Variants in SKAP1 observed in about 807,000 individuals in gnomAD.
The protein encoded by SKAP1 is src kinase-associated phosphoprotein 1.
Under a neutral mutation model 58.5 loss-of-function variants are expected in SKAP1, and 44 were observed. The ratio of observed to expected loss-of-function variants is 0.75; its 90% confidence interval spans 0.59 to 0.97. The LOEUF is 0.97. Among genes scored for constraint, SKAP1 ranks in the 50% least tolerant of loss-of-function variants. SKAP1 has a pLI of 0.00. For synonymous variants in SKAP1, 127 were observed against 149.7 expected (o/e 0.85, Z 1.11); for missense variants, 390 against 435.2 (o/e 0.90, Z 0.92).
chr17:48,343,926 A>G (rs2066689309), intron 4 of SKAP1, among the ~76,000 whole-genome samples: 1 of 152,188 alleles, frequency 6.6e-6, no homozygotes, highest in South Asian at 2.1e-4. Flanking sequence ...GTGATTTTAG[A>G]TAAGTTAACT....
intron 1 of SKAP1, among the ~76,000 whole-genome samples, chr17:48,401,169 G>A (rs1370827065): frequency 6.6e-6 from 1 of 152,076 alleles, no homozygotes; most frequent in East Asian, 1.9e-4. Flanking sequence ...AGCTGAGTGT[G>A]GTGGCTAGTG....
intron 4 of SKAP1, among the ~76,000 whole-genome samples, chr17:48,231,482 C>T (rs1207227949): frequency 2.6e-5 from 4 of 151,638 alleles, no homozygotes; most frequent in African/African-American, 9.7e-5. Flanking sequence ...AGGAAGGGTA[C>T]TACACAAGTA....
chr17:48,166,890 G>A (rs2143327205), intron 10 of SKAP1, among the ~76,000 whole-genome samples: 1 of 151,876 alleles, frequency 6.6e-6, no homozygotes, highest in Non-Finnish European at 1.5e-5. Context: ...TCTGAAATAG[G>A]GTCTTGCTCT....
intron 3 of SKAP1, among the ~76,000 whole-genome samples, chr17:48,353,462 G>C (rs2066830139): frequency 6.6e-6 from 1 of 152,172 alleles, no homozygotes; most frequent in African/African-American, 2.4e-5. Flanking sequence ...CAAACAGCAA[G>C]TTGTAGTAGG....
intron 10 of SKAP1, among the ~76,000 whole-genome samples, chr17:48,167,510 T>C (rs2064156317): frequency 6.6e-6 from 1 of 152,216 alleles, no homozygotes; most frequent in African/African-American, 2.4e-5. Context: ...AGTAGTTCAC[T>C]CTATTGGCGC....
At chr17:48,190,223 C>T (rs1019789050) in intron 4 of SKAP1, among the ~76,000 whole-genome samples, 61 of 151,830 alleles carry the variant, frequency 4.0e-4, no homozygotes, top group African/African-American at 1.3e-3. Flanking sequence ...TCTCCTGCCT[C>T]AGCCTCCCAA....
At chr17:48,196,240 C>T (rs1007082075) in intron 4 of SKAP1, among the ~76,000 whole-genome samples, 1 of 152,190 alleles carries the variant, frequency 6.6e-6, no homozygotes, top group Non-Finnish European at 1.5e-5. Flanking sequence ...AAGATTGGGT[C>T]TTCCTATCTC....
At chr17:48,308,647 T>C (rs1257966697) in intron 4 of SKAP1, 1 of 152,224 alleles carries the variant, frequency 6.6e-6, no homozygotes, top group Admixed American at 6.5e-5. Flanking sequence ...AAATCATTCA[T>C]CCAATTACAT....
intron 1 of SKAP1, among the ~76,000 whole-genome samples, chr17:48,425,350 C>T (rs1018420109): frequency 2.0e-5 from 3 of 152,146 alleles, no homozygotes; most frequent in Non-Finnish European, 2.9e-5. Context: ...TATGTCCCAA[C>T]TTTTAAAGTA....
intron 3 of SKAP1, among the ~76,000 whole-genome samples, chr17:48,347,596 A>T (rs2066739586): frequency 6.6e-6 from 1 of 152,206 alleles, no homozygotes; most frequent in Non-Finnish European, 1.5e-5. Context: ...GTTTATTATG[A>T]AAAAGAGAAA....
intron 4 of SKAP1, among the ~76,000 whole-genome samples, chr17:48,236,526 T>C (rs1015359970): frequency 6.6e-6 from 1 of 152,230 alleles, no homozygotes; most frequent in African/African-American, 2.4e-5. Context: ...TTAGGTTACT[T>C]AATCACTTAA....
intron 1 of SKAP1, among the ~76,000 whole-genome samples, chr17:48,415,688 T>A (rs1044651844): frequency 6.6e-6 from 1 of 152,110 alleles, no homozygotes; most frequent in Admixed American, 6.6e-5. Context: ...TCTCACCTCC[T>A]CCCTACGTGG....
chr17:48,234,465 T>C (rs1416057217), intron 4 of SKAP1, among the ~76,000 whole-genome samples: 5 of 152,236 alleles, frequency 3.3e-5, no homozygotes, highest in Non-Finnish European at 7.3e-5. Context: ...GGGCTAGACA[T>C]GGACACCTGT....
chr17:48,161,647 G>A (rs886499860), intron 11 of SKAP1, among the ~76,000 whole-genome samples: 1 of 152,166 alleles, frequency 6.6e-6, no homozygotes, highest in Admixed American at 6.5e-5. Flanking sequence ...TTATGACTGA[G>A]GAAGAGAATA....
rs547803943 is a variant in SKAP1, at chr17:48,302,317, T to A, written c.280+43588A>T. Among the ~76,000 whole-genome samples the A allele has an allele frequency of 1.3e-4, 20 of 152,338 alleles. No individual in the cohort carries two copies. The South Asian group carries it at 4.1e-3, about 32-fold the overall frequency. The stretch of plus-strand genomic sequence containing the variant: ...GGACATCTTTAATAAATATGATTTT[T>A]TTTTTCTGCAGAGGGTAGAAGAACA... On this transcript the variant is annotated intron_variant, in intron 4 of 12. Coordinates refer to ENST00000336915, the MANE Select transcript of SKAP1 (RefSeq NM_003726.4).
intron 4 of SKAP1, among the ~76,000 whole-genome samples, chr17:48,198,777 C>T (rs1485472646): frequency 6.6e-6 from 1 of 152,146 alleles, no homozygotes; most frequent in Non-Finnish European, 1.5e-5. Flanking sequence ...ACATCCTCAG[C>T]TTCATTTTTA....
intron 2 of SKAP1, among the ~76,000 whole-genome samples, chr17:48,388,382 C>T (rs1369434342): frequency 6.6e-6 from 1 of 151,966 alleles, no homozygotes; most frequent in East Asian, 1.9e-4. Context: ...TGCAGTAAGC[C>T]GAGATCACGC....
chr17:48,295,572 G>A (rs2065956833), intron 4 of SKAP1: 1 of 150,616 alleles, frequency 6.6e-6, no homozygotes, highest in South Asian at 2.1e-4. Flanking sequence ...TGCAGATCAG[G>A]AAATGTCTTC....
intron 3 of SKAP1, among the ~76,000 whole-genome samples, chr17:48,362,160 G>A (rs1426298458): frequency 6.6e-6 from 1 of 152,180 alleles, no homozygotes; most frequent in East Asian, 1.9e-4. Flanking sequence ...CTCCTTGGCT[G>A]CTCTACCTCT....
Sources: gnomAD v4.1 joint callset for allele counts (sites outside exome capture counted in the v4.1 genomes callset) on GRCh38, gnomAD v4.1.1 for gene constraint, MANE v1.5 for transcripts, NCBI Gene and HGNC (gene_info 2026-07-23, HGNC 2026-07-21) for gene names.